Variants in RASGRF2 observed in about 807,000 individuals in gnomAD.
RASGRF2 encodes Ras protein specific guanine nucleotide releasing factor 2.
Under a neutral mutation model 151.0 loss-of-function variants are expected in RASGRF2, and 76 were observed. That is an observed-to-expected ratio of 0.50 (90% CI 0.42 to 0.61). RASGRF2 has a LOEUF of 0.61. RASGRF2 is among the 20% of genes least tolerant of loss of function. The probability of loss-of-function intolerance (pLI) is 0.00; values close to 1 mark genes in which losing one functional copy is unlikely to be tolerated. For missense variants in RASGRF2, 1,148 were observed against 1,564.6 expected (o/e 0.73, Z 4.49); for synonymous variants, 504 against 566.5 (o/e 0.89, Z 1.57).
intron 17 of RASGRF2, among the ~76,000 whole-genome samples, chr5:81,128,425 G>A (rs1753528290): frequency 6.6e-6 from 1 of 152,116 alleles, no homozygotes; most frequent in African/African-American, 2.4e-5. Flanking sequence ...AAATAAATAA[G>A]CAAAAGCTCC....
In RASGRF2 at chr5:81,092,855, T is replaced by C. The variant is rs1561605163; in HGVS notation, c.1445T>C (p.Leu482Pro). The C allele has an allele frequency of 3.1e-6, 5 of 1,613,398 alleles. No individual in the cohort carries two copies. The highest frequency in any genetic ancestry group is 4.2e-6 in the Non-Finnish European group (5 of 1,179,350). ...AGGGGGAAACTTAGTAAAGTTCGCCTGGGTTCGTTGTCTTTGAAAAAGGAA... is the reference window on the plus strand; with the variant it reads ...AGGGGGAAACTTAGTAAAGTTCGCCCGGGTTCGTTGTCTTTGAAAAAGGAA... The part of the protein sequence containing the change: ...VERGKLSKVR[L>P]GSLSLKKEGE... The change falls in exon 10 of 27, where the codon CTG becomes CCG. Residue 482 changes from leucine to proline, a missense_variant. Leu to Pro is a moderately conservative substitution (Grantham distance 98). Around this residue, in one of 5 missense-constraint regions of RASGRF2, gnomAD observed 646 missense variants for 807.4 expected, o/e 0.80. Coordinates refer to ENST00000265080, the MANE Select transcript of RASGRF2 (RefSeq NM_006909.3).
chr5:81,131,583 G>C (rs989060793), intron 17 of RASGRF2, among the ~76,000 whole-genome samples: 6 of 151,938 alleles, frequency 3.9e-5, no homozygotes, highest in African/African-American at 1.2e-4. Flanking sequence ...TTGAACTCCT[G>C]GTTTTGGGTG....
Position 81,226,544 on chromosome 5 carries a change from C to A in RASGRF2, c.*774C>A, listed in dbSNP as rs1274376107. The A allele has an allele frequency of 2.0e-5, 3 of 152,138 alleles. No individual in the cohort carries two copies. Among genetic ancestry groups the A allele is most frequent in the Non-Finnish European group, 2.9e-5 (2 of 68,026 alleles). 9.4% of individuals were successfully genotyped at this position (152,138 alleles called of 1,614,324 possible). A position where few individuals can be genotyped will look rare whatever the true frequency, so the allele number is the denominator to read the frequency against. On this transcript the variant is annotated 3_prime_UTR_variant, in exon 27 of 27. Transcript: ENST00000265080. Reference sequence around the variant, plus strand: ...GAAGCCAGCCCTTTTGGAGAGGCAGCTGCAAAAAGGTGCACGCCCATCTCA... The same window carrying A: ...GAAGCCAGCCCTTTTGGAGAGGCAGATGCAAAAAGGTGCACGCCCATCTCA...
intron 1 of RASGRF2, among the ~76,000 whole-genome samples, chr5:81,033,018 G>A (rs1212889705): frequency 6.6e-6 from 1 of 152,006 alleles, no homozygotes; most frequent in Admixed American, 6.6e-5. Flanking sequence ...CAAACAGAGA[G>A]CCAAATCATC....
At chr5:81,025,791 T>TG (rs1191852407) in intron 1 of RASGRF2, among the ~76,000 whole-genome samples, 1 of 152,206 alleles carries the variant, frequency 6.6e-6, no homozygotes, top group Non-Finnish European at 1.5e-5. Flanking sequence ...TCACTGTAGT[T>TG]GGGGGCCACT....
chr5:81,025,420 A>G (rs1265123522), intron 1 of RASGRF2, among the ~76,000 whole-genome samples: 1 of 152,128 alleles, frequency 6.6e-6, no homozygotes, highest in Non-Finnish European at 1.5e-5. Context: ...GGCCGAGAGA[A>G]CACCCTTCCC....
At chr5:81,017,977 C>T (rs1399628703) in intron 1 of RASGRF2, among the ~76,000 whole-genome samples, 3 of 152,016 alleles carry the variant, frequency 2.0e-5, no homozygotes, top group South Asian at 2.1e-4. Context: ...GACATGGTGA[C>T]GGGCACCTGT....
Position 81,227,310 on chromosome 5 carries a change from C to T in RASGRF2, c.*1540C>T, listed in dbSNP as rs954333063. 6 of 152,214 alleles carry T rather than the reference C, an allele frequency of 3.9e-5. No homozygotes were observed. The highest frequency in any genetic ancestry group is 1.4e-4 in the African/African-American group (6 of 41,444). 9.4% of individuals were successfully genotyped at this position (152,214 alleles called of 1,614,324 possible). A position where few individuals can be genotyped will look rare whatever the true frequency, so the allele number is the denominator to read the frequency against. On this transcript the variant is annotated 3_prime_UTR_variant, in exon 27 of 27. Transcript: ENST00000265080. Reference sequence around the variant, plus strand: ...CATAGAGGTAGAGAATGTACACTTTCTGCACGGTAAGTGCCATCTCTGTAT... The same window carrying T: ...CATAGAGGTAGAGAATGTACACTTTTTGCACGGTAAGTGCCATCTCTGTAT...
chr5:81,150,333 T>G (rs1245361109), intron 17 of RASGRF2, among the ~76,000 whole-genome samples: 3 of 152,218 alleles, frequency 2.0e-5, no homozygotes, highest in Non-Finnish European at 4.4e-5. Flanking sequence ...GAAGAATGAC[T>G]GTACCCAACT....
chr5:80,976,091 G>A (rs559885014), intron 1 of RASGRF2, among the ~76,000 whole-genome samples: 6 of 152,238 alleles, frequency 3.9e-5, no homozygotes, highest in Non-Finnish European at 5.9e-5. Flanking sequence ...TGATCCACCC[G>A]CCTTGGCCTC....
chr5:80,995,234 C>A (rs1447761021), intron 1 of RASGRF2, among the ~76,000 whole-genome samples: 1 of 133,362 alleles, frequency 7.5e-6, no homozygotes, highest in African/African-American at 2.9e-5. Context: ...CCAGCCTGGG[C>A]GATAGAGCCA....
intron 2 of RASGRF2, among the ~76,000 whole-genome samples, chr5:81,066,744 T>G (rs1041721461): frequency 3.3e-5 from 5 of 152,192 alleles, no homozygotes; most frequent in Admixed American, 3.3e-4. Context: ...TTAATATTAT[T>G]GCAGTTCAAG....
chr5:80,966,198 G>A (rs896960285), intron 1 of RASGRF2, among the ~76,000 whole-genome samples: 4 of 151,916 alleles, frequency 2.6e-5, no homozygotes, highest in Admixed American at 6.6e-5. Context: ...TTATATATTG[G>A]AGTTTGCAGA....
chr5:81,000,785 C>G (rs1300779427), intron 1 of RASGRF2, among the ~76,000 whole-genome samples: 2 of 152,134 alleles, frequency 1.3e-5, no homozygotes, highest in African/African-American at 2.4e-5. Context: ...TACACGTCAG[C>G]CACTTTAGCA....
chr5:81,054,293 A>C (rs931955436), intron 2 of RASGRF2, among the ~76,000 whole-genome samples: 1 of 151,888 alleles, frequency 6.6e-6, no homozygotes, highest in Non-Finnish European at 1.5e-5. Flanking sequence ...ATCTTGAATT[A>C]ATTTTTGTAT....
At chr5:81,027,322 CTG>C (rs563379959) in intron 1 of RASGRF2, among the ~76,000 whole-genome samples, 27 of 152,250 alleles carry the variant, frequency 1.8e-4, no homozygotes, top group African/African-American at 6.5e-4. Context: ...ATGGGAAAAA[CTG>C]TGTGTGGGGG....
At chr5:81,171,943 G>A (rs1167699614) in intron 17 of RASGRF2, among the ~76,000 whole-genome samples, 5 of 152,178 alleles carry the variant, frequency 3.3e-5, no homozygotes, top group African/African-American at 1.2e-4. Context: ...AAAAGCTGAT[G>A]ACAGCAGCGA....
At chr5:81,121,237 T>C (rs1753300064) in intron 15 of RASGRF2, among the ~76,000 whole-genome samples, 1 of 152,212 alleles carries the variant, frequency 6.6e-6, no homozygotes. Context: ...GTGTATCACA[T>C]AATGTTAACA....
intron 17 of RASGRF2, among the ~76,000 whole-genome samples, chr5:81,141,620 T>C (rs1227084870): frequency 6.6e-6 from 1 of 152,216 alleles, no homozygotes. Flanking sequence ...AATTGCTTAA[T>C]TTTGTTATTA....
Sources: gnomAD v4.1 joint callset for allele counts (sites outside exome capture counted in the v4.1 genomes callset) on GRCh38, gnomAD v4.1.1 for gene constraint, gnomAD v4.1.1 regional missense constraint, MANE v1.5 for transcripts, NCBI Gene and HGNC (gene_info 2026-07-23, HGNC 2026-07-21) for gene names.